REC114: variants seen among roughly 807,000 people sequenced by gnomAD.
REC114 encodes the protein meiotic recombination protein REC114.
A neutral mutation model predicts 31.3 loss-of-function variants in REC114; 27 were observed. The observed-to-expected ratio is 0.86, with a 90% confidence interval of 0.64 to 1.19. The LOEUF (loss-of-function observed/expected upper bound fraction) is 1.19. Ranked by LOEUF, REC114 falls within the 50% of genes most tolerant of loss-of-function variation. REC114 has a pLI of 0.00. For missense variants in REC114, 344 were observed against 326.9 expected (o/e 1.05, Z -0.40); for synonymous variants, 134 against 127.7 (o/e 1.05, Z -0.33).
At chr15:73,524,210 AAAC>A (rs750822982) in intron 2 of REC114, among the ~76,000 whole-genome samples, 16 of 152,214 alleles carry the variant, frequency 1.1e-4, no homozygotes, top group Non-Finnish European at 1.6e-4. Flanking sequence ...AAGAAAGAAC[AAAC>A]ATCACATTTA....
At chr15:73,531,401 T>C (rs1292192556) in intron 2 of REC114, among the ~76,000 whole-genome samples, 2 of 152,224 alleles carry the variant, frequency 1.3e-5, no homozygotes, top group Non-Finnish European at 2.9e-5. Flanking sequence ...TCATTATGTA[T>C]GATAGCAGGG....
At chr15:73,540,224 A>G (rs1459356280) in intron 2 of REC114, among the ~76,000 whole-genome samples, 1 of 152,160 alleles carries the variant, frequency 6.6e-6, no homozygotes, top group African/African-American at 2.4e-5. Context: ...ACACTTAACT[A>G]TCTTTAGTAT....
intron 1 of REC114, among the ~76,000 whole-genome samples, chr15:73,465,498 T>C (rs1287652795): frequency 1.3e-5 from 2 of 152,218 alleles, no homozygotes; most frequent in African/African-American, 4.8e-5. Context: ...TCTATTTATA[T>C]TGTAACATCT....
At chr15:73,475,673 GAAGA>G (rs1228364406) in intron 2 of REC114, among the ~76,000 whole-genome samples, 1 of 152,066 alleles carries the variant, frequency 6.6e-6, no homozygotes, top group African/African-American at 2.4e-5. Context: ...ATTTGTGATT[GAAGA>G]AAGATACTTT....
At chr15:73,543,161 A>G (rs1282660882) in intron 3 of REC114, among the ~76,000 whole-genome samples, 1 of 152,130 alleles carries the variant, frequency 6.6e-6, no homozygotes, top group Non-Finnish European at 1.5e-5. Flanking sequence ...GTAATGTAAC[A>G]TTTGTATTTC....
At chr15:73,553,138 T>A (rs113539802) in intron 4 of REC114, among the ~76,000 whole-genome samples, 2 of 152,344 alleles carry the variant, frequency 1.3e-5, no homozygotes, top group Non-Finnish European at 2.9e-5. Context: ...TTGTTACTCA[T>A]AATTTGTCTA....
At position 73,471,648 on chromosome 15, in the gene REC114, G is replaced by GA. The variant is rs893123921; in HGVS notation, c.160-2175dup. On this transcript the variant is annotated intron_variant, in intron 1 of 5. Coordinates refer to ENST00000331090, the MANE Select transcript of REC114 (RefSeq NM_001042367.2). ...TCCTGGAAGTTGTTGGCTATGATTT[G>GA]AAAAAAAAATAATTTGGGAAAAATA... 1.7e-4 allele frequency among the ~76,000 whole-genome samples: 26 copies of GA among 149,934 alleles called. 1 individual carries two copies. In the East Asian group the frequency reaches 3.9e-3, roughly 22 times the overall value.
rs200881562 is a variant in REC114, at chr15:73,533,951, G to A, written c.250-6534G>A. Among the ~76,000 whole-genome samples, 6 of 96,116 alleles carry A rather than the reference G, an allele frequency of 6.2e-5. No homozygotes were observed. The East Asian group carries it at 7.9e-4, about 13-fold the overall frequency. 63.1% of individuals were successfully genotyped at this position (96,116 alleles called of 152,430 possible). A position where few individuals can be genotyped will look rare whatever the true frequency, so the allele number is the denominator to read the frequency against. ...CCTGAATGACTACTGGGTACATAAC[G>A]AAATGAAGGCAGAAATAAAGATGTT... On this transcript the variant is annotated intron_variant, in intron 2 of 5. Transcript: ENST00000331090.
At chr15:73,513,845 C>T (rs1254392673) in intron 2 of REC114, among the ~76,000 whole-genome samples, 1 of 151,778 alleles carries the variant, frequency 6.6e-6, no homozygotes, top group Non-Finnish European at 1.5e-5. Flanking sequence ...CTGCTCTCTT[C>T]AAAGCTGTCA....
rs76196024 is a variant in REC114, at chr15:73,507,739, A to G, written c.250-32746A>G. 4.2e-3 allele frequency among the ~76,000 whole-genome samples: 645 copies of G among 152,316 alleles called. 2 individuals carry two copies. Among genetic ancestry groups the G allele is most frequent in the African/African-American group, 0.015 (614 of 41,578 alleles). ...CCTAGAAACAATCTTTAGAGCACAG[A>G]ATGACAAATTTTTGTTTTAACAAAG... is the stretch of plus-strand genomic sequence containing the variant. On this transcript the variant is annotated intron_variant, in intron 2 of 5. Coordinates refer to ENST00000331090, the MANE Select transcript of REC114 (RefSeq NM_001042367.2).
intron 2 of REC114, among the ~76,000 whole-genome samples, chr15:73,493,514 TTTC>T: frequency 6.6e-6 from 1 of 152,296 alleles, no homozygotes; most frequent in East Asian, 1.9e-4. Context: ...TTTTTCTTTT[TTTC>T]TTCTTTTTAT....
At chr15:73,491,347 C>T (rs1013457687) in intron 2 of REC114, among the ~76,000 whole-genome samples, 3 of 131,566 alleles carry the variant, frequency 2.3e-5, no homozygotes, top group Non-Finnish European at 3.3e-5. Flanking sequence ...ATCTTAATTT[C>T]TTTGTGTACT....
intron 2 of REC114, among the ~76,000 whole-genome samples, chr15:73,508,454 T>A (rs1195791099): frequency 6.6e-6 from 1 of 151,554 alleles, no homozygotes; most frequent in African/African-American, 2.4e-5. Flanking sequence ...AATTTTTTTT[T>A]TAATTATACT....
At chr15:73,464,654 G>T (rs1893032749) in intron 1 of REC114, among the ~76,000 whole-genome samples, 1 of 152,104 alleles carries the variant, frequency 6.6e-6, no homozygotes, top group Non-Finnish European at 1.5e-5. Flanking sequence ...CTCCTTGGAG[G>T]TTGAGAGACC....
chr15:73,516,409 A>G (rs560076294), intron 2 of REC114, among the ~76,000 whole-genome samples: 3 of 152,284 alleles, frequency 2.0e-5, no homozygotes, highest in South Asian at 2.1e-4. Flanking sequence ...ATGATCTTCA[A>G]AAGTCTAGAA....
At chr15:73,451,415 C>T (rs1412247395) in intron 1 of REC114, among the ~76,000 whole-genome samples, 4 of 152,262 alleles carry the variant, frequency 2.6e-5, no homozygotes, top group Admixed American at 2.0e-4. Context: ...CATACACCCT[C>T]CCAAGACTAA....
chr15:73,465,635 A>G (rs1479923064), intron 1 of REC114, among the ~76,000 whole-genome samples: 1 of 152,162 alleles, frequency 6.6e-6, no homozygotes, highest in Non-Finnish European at 1.5e-5. Context: ...AACATCTGAC[A>G]CCTAGAATGA....
At chr15:73,526,021 A>G (rs921867150) in intron 2 of REC114, among the ~76,000 whole-genome samples, 1 of 152,182 alleles carries the variant, frequency 6.6e-6, no homozygotes, top group African/African-American at 2.4e-5. Flanking sequence ...TATTGGGTAC[A>G]AGCACATTCA....
chr15:73,553,304 C>T lies in REC114; in HGVS notation c.546+2154C>T, dbSNP rs578154779. 2.0e-5 allele frequency among the ~76,000 whole-genome samples: 3 copies of T among 152,306 alleles called. No individual in the cohort carries two copies. The South Asian group carries it at 6.2e-4, about 32-fold the overall frequency. On this transcript the variant is annotated intron_variant, in intron 4 of 5. Transcript: ENST00000331090. ...TGAAGATGTCTTAATGCTGAAGCTG[C>T]TTGCCTCACAAACCCTGGATCTAGT...
Sources: allele counts gnomAD v4.1 joint callset (sites outside exome capture counted in the v4.1 genomes callset), GRCh38; gene constraint gnomAD v4.1.1; transcripts MANE v1.5; gene names NCBI Gene and HGNC (gene_info 2026-07-23, HGNC 2026-07-21).